The following CPE variants were observed in gnomAD, a reference collection of about 807,000 sequenced individuals.
CPE encodes the protein carbocypeptidase E.
Under a neutral mutation model 53.5 loss-of-function variants are expected in CPE, and 17 were observed. The ratio of observed to expected loss-of-function variants is 0.32; its 90% confidence interval spans 0.22 to 0.48. The LOEUF (loss-of-function observed/expected upper bound fraction) is 0.48, where lower values mean the gene tolerates loss of function less well. CPE is among the 20% of genes least tolerant of loss of function. The pLI is 0.99. For synonymous variants in CPE, 226 were observed against 228.8 expected (o/e 0.99, Z 0.11); for missense variants, 524 against 614.7 (o/e 0.85, Z 1.56).
At position 165,428,955 on chromosome 4, in the gene CPE, G is replaced by A. The variant is rs528039695; in HGVS notation, c.308-35435G>A. On this transcript the variant is annotated intron_variant, in intron 1 of 8. Transcript: ENST00000402744. The stretch of plus-strand genomic sequence containing the variant: ...TAACATTCACAGGTTTCAGGGATTA[G>A]GGCATGGATATCTGTTGAGAGGCCA... Among the ~76,000 whole-genome samples, 39 of 152,234 alleles carry A rather than the reference G, an allele frequency of 2.6e-4. No homozygotes were observed. The South Asian group carries it at 2.7e-3, about 11-fold the overall frequency.
At position 165,405,415 on chromosome 4, in the gene CPE, G is replaced by T. The variant is rs60683944; in HGVS notation, c.307+25887G>T. ...GAGATTCAGAGAGATAACCAGCATC[G>T]CTCCCTTGCTCAATTCCAGTCTTTA... is the stretch of plus-strand genomic sequence containing the variant. On this transcript the variant is annotated intron_variant, in intron 1 of 8. Coordinates refer to ENST00000402744, the MANE Select transcript of CPE (RefSeq NM_001873.4). 9.9e-3 allele frequency: 9,095 copies of T among 919,476 alleles called. 566 individuals are homozygous for T. The African/African-American group carries it at 0.13, about 13-fold the overall frequency. The allele number at this position is 919,476 out of a possible 1,614,324, so 57.0% of individuals were successfully genotyped here.
chr4:165,405,033 A>T, intron 1 of CPE: 1 of 726,588 alleles, frequency 1.4e-6, no homozygotes, highest in South Asian at 1.5e-5. Context: ...AGCATCCATC[A>T]CCATGTCTGT....
intron 1 of CPE, among the ~76,000 whole-genome samples, chr4:165,438,620 T>C (rs1413653703): frequency 1.3e-5 from 2 of 152,186 alleles, no homozygotes; most frequent in African/African-American, 4.8e-5. Context: ...ATAATTTGAA[T>C]GGGTCATTTC....
chr4:165,442,605 T>C (rs1016193347), intron 1 of CPE, among the ~76,000 whole-genome samples: 9 of 152,140 alleles, frequency 5.9e-5, no homozygotes, highest in African/African-American at 2.2e-4. Flanking sequence ...TTTAAATTAA[T>C]TAAAATTAAG....
intron 6 of CPE, among the ~76,000 whole-genome samples, chr4:165,490,648 A>T (rs1277666319): frequency 6.6e-6 from 1 of 151,260 alleles, no homozygotes; most frequent in African/African-American, 2.4e-5. Context: ...AAAAAAAAAA[A>T]AAAAAAGAAT....
intron 1 of CPE, among the ~76,000 whole-genome samples, chr4:165,447,182 T>G (rs1320262389): frequency 6.6e-6 from 1 of 152,222 alleles, no homozygotes; most frequent in Non-Finnish European, 1.5e-5. Context: ...GGTGAGTTAG[T>G]GAGTGCTGAA....
At chr4:165,455,317 C>G (rs1731882278) in intron 1 of CPE, among the ~76,000 whole-genome samples, 1 of 152,106 alleles carries the variant, frequency 6.6e-6, no homozygotes, top group Non-Finnish European at 1.5e-5. Context: ...ATTTATCTTT[C>G]CAATTTATCT....
At chr4:165,451,584 C>T (rs946902169) in intron 1 of CPE, among the ~76,000 whole-genome samples, 1 of 152,102 alleles carries the variant, frequency 6.6e-6, no homozygotes, top group Non-Finnish European at 1.5e-5. Context: ...CTCCACCTCC[C>T]AGGTTCAAGT....
chr4:165,436,532 T>C (rs888175960), intron 1 of CPE, among the ~76,000 whole-genome samples: 3 of 152,198 alleles, frequency 2.0e-5, no homozygotes, highest in African/African-American at 7.2e-5. Flanking sequence ...ACTCATACTA[T>C]TGTATGGCTG....
At position 165,379,376 on chromosome 4, in the gene CPE, A is replaced by C; in HGVS notation, c.155A>C (p.Glu52Ala). Reference protein sequence around the residue: ...RLQQEDGISFEYHRYPELREA... With the variant: ...RLQQEDGISFAYHRYPELREA... Reference sequence around the variant, plus strand: ...CAGCAAGAGGACGGCATCTCCTTCGAGTACCACCGCTACCCCGAGCTGCGC... The same window carrying C: ...CAGCAAGAGGACGGCATCTCCTTCGCGTACCACCGCTACCCCGAGCTGCGC... The change falls in exon 1 of 9, where the codon GAG (glutamate) becomes GCG (alanine). Residue 52 changes from glutamate (E) to alanine (A), a missense_variant. Glu to Ala is a moderately radical substitution (Grantham distance 107, BLOSUM62 -1). Coordinates refer to ENST00000402744, the MANE Select transcript of CPE (RefSeq NM_001873.4). This position sits in a 1 kb window ranked among gnomAD's most constrained non-coding sequence, Gnocchi z 6.0. The C allele has an allele frequency of 6.2e-7, 1 of 1,606,436 alleles. No homozygotes were observed. The highest frequency in any genetic ancestry group is 8.5e-7 in the Non-Finnish European group (1 of 1,177,962).
intron 1 of CPE, among the ~76,000 whole-genome samples, chr4:165,453,998 C>A (rs1451762657): frequency 6.6e-6 from 1 of 151,982 alleles, no homozygotes; most frequent in Non-Finnish European, 1.5e-5. Flanking sequence ...ACAAATACCC[C>A]ATACACAGTG....
intron 1 of CPE, among the ~76,000 whole-genome samples, chr4:165,388,077 C>T (rs566061019): frequency 4.3e-4 from 66 of 152,282 alleles, no homozygotes; most frequent in Non-Finnish European, 8.1e-4. Flanking sequence ...CCTATACAGG[C>T]GAAAGTATTT....
At chr4:165,412,437 A>G (rs1731056887) in intron 1 of CPE, among the ~76,000 whole-genome samples, 1 of 152,246 alleles carries the variant, frequency 6.6e-6, no homozygotes, top group Non-Finnish European at 1.5e-5. Flanking sequence ...AAATAAGACA[A>G]TAAAGAAAAC....
intron 1 of CPE, among the ~76,000 whole-genome samples, chr4:165,439,322 C>A (rs1042944470): frequency 6.6e-6 from 1 of 151,880 alleles, no homozygotes; most frequent in Non-Finnish European, 1.5e-5. Context: ...AAAAAGATCA[C>A]GTGAAAGAGA....
At chr4:165,406,284 T>A (rs533967252) in intron 1 of CPE, 1 of 602,038 alleles carries the variant, frequency 1.7e-6, no homozygotes, top group Admixed American at 2.1e-5. Context: ...TATATAACCT[T>A]GGGAGCGGAG....
intron 6 of CPE, 94 bp from the exon 7 acceptor site, chr4:165,493,077 A>T: frequency 1.3e-6 from 1 of 760,232 alleles, no homozygotes; most frequent in Non-Finnish European, 2.2e-6. Flanking sequence ...TATTTGCTGG[A>T]AAATAAAGAG....
intron 6 of CPE, among the ~76,000 whole-genome samples, chr4:165,488,067 A>T (rs1732539098): frequency 1.3e-5 from 2 of 152,160 alleles, no homozygotes; most frequent in South Asian, 4.1e-4. Context: ...CACAGGTAAT[A>T]ATAATAATAA....
chr4:165,414,420 A>G (rs1276196501), intron 1 of CPE, among the ~76,000 whole-genome samples: 2 of 152,192 alleles, frequency 1.3e-5, no homozygotes, highest in African/African-American at 2.4e-5. Flanking sequence ...TACACACCTC[A>G]AAGTCAAACG....
intron 1 of CPE, among the ~76,000 whole-genome samples, chr4:165,383,828 G>A (rs569223589): frequency 3.3e-5 from 5 of 152,310 alleles, no homozygotes; most frequent in South Asian, 2.1e-4. Context: ...CTTAAAATTC[G>A]TGAAGATAGA....
Sources: allele counts gnomAD v4.1 joint callset (sites outside exome capture counted in the v4.1 genomes callset), GRCh38; gene constraint gnomAD v4.1.1; non-coding constraint Gnocchi (gnomAD v3.1); transcripts MANE v1.5; gene names NCBI Gene and HGNC (gene_info 2026-07-23, HGNC 2026-07-21).